The following CLCN6 variants were observed in gnomAD, a reference collection of about 807,000 sequenced individuals.
The protein encoded by CLCN6 is H(+)/Cl(-) exchange transporter 6.
A neutral mutation model predicts 109.8 loss-of-function variants in CLCN6; 70 were observed. The ratio of observed to expected loss-of-function variants is 0.64; its 90% CI spans 0.53 to 0.78. CLCN6 has a LOEUF of 0.78. CLCN6 is among the 30% of genes least tolerant of loss of function. The pLI is 0.00. For synonymous variants in CLCN6, 444 were observed against 447.8 expected (o/e 0.99, Z 0.11); for missense variants, 984 against 1,142.3 (o/e 0.86, Z 2.00).
At chr1:11,819,638 G>A (rs1644717248) in intron 5 of CLCN6, 84 bp downstream of exon 5, 1 of 1,212,450 alleles carries the variant, frequency 8.2e-7, no homozygotes, top group African/African-American at 1.5e-5. Flanking sequence ...CTAACAGTAA[G>A]CATAGTATTA....
At chr1:11,833,293 T>C (rs2100651592) in intron 13 of CLCN6, among the ~76,000 whole-genome samples, 1 of 152,230 alleles carries the variant, frequency 6.6e-6, no homozygotes, top group East Asian at 1.9e-4. Context: ...ATCATGAGTG[T>C]GGATGAACAA....
intron 2 of CLCN6, among the ~76,000 whole-genome samples, chr1:11,814,582 G>T (rs2100612437): frequency 6.6e-6 from 1 of 152,010 alleles, no homozygotes; most frequent in East Asian, 1.9e-4. Flanking sequence ...CAACTAAAAT[G>T]ATTTCCTTTG....
chr1:11,840,245 G>T lies in CLCN6; in HGVS notation c.*22G>T. 6.2e-7 allele frequency: 1 copy of T among 1,602,064 alleles called. No homozygotes were observed. Reference sequence around the variant, plus strand: ...CTGACAGCCCAGCCCACCCTCTCCTGGTGCTGCCTGGGGAGGCAAATCATG... The same window carrying T: ...CTGACAGCCCAGCCCACCCTCTCCTTGTGCTGCCTGGGGAGGCAAATCATG... On this transcript the variant is annotated 3_prime_UTR_variant, in exon 23 of 23. Coordinates refer to ENST00000346436, the MANE Select transcript of CLCN6 (RefSeq NM_001286.5).
chr1:11,824,248 CTGG>C (rs1231063065), intron 7 of CLCN6, among the ~76,000 whole-genome samples: 1 of 152,220 alleles, frequency 6.6e-6, no homozygotes, highest in Non-Finnish European at 1.5e-5. Context: ...CAGGAGGGAG[CTGG>C]TGGTCTGGGC....
chr1:11,839,593 G>A (rs1330548718), intron 22 of CLCN6, among the ~76,000 whole-genome samples: 1 of 152,184 alleles, frequency 6.6e-6, no homozygotes, highest in East Asian at 1.9e-4. Context: ...CACAACCCTG[G>A]CATGCATAGT....
At chr1:11,807,595 C>G (rs111776518) in intron 2 of CLCN6, among the ~76,000 whole-genome samples, 3,753 of 152,328 alleles carry the variant, frequency 0.025, 69 homozygotes, top group Non-Finnish European at 0.038. Context: ...TTTTCTTGCT[C>G]AAGCAGCTTC....
intron 2 of CLCN6, among the ~76,000 whole-genome samples, chr1:11,807,679 AAC>A (rs1644537193): frequency 6.6e-6 from 1 of 152,248 alleles, no homozygotes; most frequent in African/African-American, 2.4e-5. Flanking sequence ...TAGTAAAGCC[AAC>A]ACTGCTGGGG....
intron 2 of CLCN6, among the ~76,000 whole-genome samples, chr1:11,808,898 G>A (rs77292210): frequency 0.021 from 3,146 of 151,276 alleles, 60 homozygotes; most frequent in Non-Finnish European, 0.034. Flanking sequence ...CACTCTTAGT[G>A]CCCAGGTTGG....
chr1:11,820,610 C>T, intron 5 of CLCN6: 1 of 411,404 alleles, frequency 2.4e-6, no homozygotes, highest in Non-Finnish European at 4.6e-6. Context: ...ACTAAAAATA[C>T]AAAAAAATTA....
rs1261599962 is a variant in CLCN6 at position 11,840,032 on chromosome 1, C to A, written c.2530-111C>A. 4 of 872,142 alleles carry A rather than the reference C, an allele frequency of 4.6e-6. No individual in the cohort carries two copies. The African/African-American group carries it at 4.9e-5, about 11-fold the overall frequency. The allele number at this position is 872,142 out of a possible 1,614,324, so 54.0% of individuals were successfully genotyped here. On this transcript the variant is annotated intron_variant, in intron 22 of 22. Coordinates refer to ENST00000346436, the MANE Select transcript of CLCN6 (RefSeq NM_001286.5). ...CAATCAAGCTGTGTCTGGCTGTGCA[C>A]TATCCAGGCCTCCACATTCTGTGAC...
chr1:11,833,371 G>T, intron 13 of CLCN6, 144 bp from the exon 14 acceptor site: 1 of 674,646 alleles, frequency 1.5e-6, no homozygotes. Context: ...CCGTGTGGCT[G>T]CCGTTGGTAG....
rs759569800 is a variant in CLCN6 at position 11,834,533 on chromosome 1, A to G, written c.1736A>G (p.His579Arg). The change falls in exon 17 of 23, where the codon CAC (histidine) becomes CGC (arginine). Residue 579 changes from histidine to arginine, a missense_variant. By Grantham distance (29) the His-to-Arg change is conservative. Coordinates refer to ENST00000346436, the MANE Select transcript of CLCN6 (RefSeq NM_001286.5). The surrounding 1 kb of genome is among the most constrained non-coding windows in gnomAD (Gnocchi z 4.5). ...TTCAATAAGGGCATTTATGATATCC[A>G]CGTGGGCCTGCGAGGCGTGCCGCTT... is the stretch of plus-strand genomic sequence containing the variant. ...DFFNKGIYDI[H>R]VGLRGVPLLE... 8.1e-6 allele frequency: 13 copies of G among 1,613,988 alleles called. No homozygotes were observed. Among genetic ancestry groups the G allele is most frequent in the Non-Finnish European group, 1.1e-5 (13 of 1,180,012 alleles).
chr1:11,829,274 A>G lies in CLCN6; in HGVS notation c.1200A>G (p.Arg400=). ...FVASMVLGEC[R]QMSSSSQIGN... ...CCTCGATGGTGTTAGGAGAATGCCG[A>G]CAGATGTCCTCTTCGAGTCAAATCG... is the stretch of plus-strand genomic sequence containing the variant. Residue 400 remains arginine (R), a synonymous_variant, in exon 13 of 23, where the codon CGA becomes CGG. Transcript: ENST00000346436. The G allele has an allele frequency of 1.2e-6, 2 of 1,614,136 alleles. No individual in the cohort carries two copies. The highest frequency in any genetic ancestry group is 1.1e-5 in the South Asian group (1 of 91,078).
intron 22 of CLCN6, among the ~76,000 whole-genome samples, chr1:11,839,579 G>A (rs528704): frequency 0.19 from 28,943 of 152,080 alleles, 3,691 homozygotes; most frequent in African/African-American, 0.36. Context: ...TTTCTTCTAT[G>A]CGGCACAACC....
At chr1:11,839,106 A>G (rs903320229) in intron 22 of CLCN6, 2 of 587,884 alleles carry the variant, frequency 3.4e-6, no homozygotes, top group African/African-American at 3.7e-5. Context: ...TTCTTATTAC[A>G]CAAATATTTT....
At chr1:11,817,899 C>T (rs1417021662) in intron 4 of CLCN6, among the ~76,000 whole-genome samples, 1 of 151,756 alleles carries the variant, frequency 6.6e-6, no homozygotes, top group African/African-American at 2.4e-5. Flanking sequence ...ATTCAGAAGC[C>T]CTCTTCAGTG....
At position 11,828,472 on chromosome 1, in the gene CLCN6, T is replaced by TA. The variant is rs1446648587; in HGVS notation, c.975dup (p.Cys326MetfsTer46). 2.5e-6 allele frequency: 4 copies of TA among 1,614,166 alleles called. No individual in the cohort carries two copies. The highest frequency in any genetic ancestry group is 3.4e-6 in the Non-Finnish European group (4 of 1,180,034). On this transcript the variant is annotated frameshift_variant, in exon 12 of 23. Coordinates refer to ENST00000346436, the MANE Select transcript of CLCN6 (RefSeq NM_001286.5). LOFTEE classifies it high-confidence loss of function. The stretch of plus-strand genomic sequence containing the variant: ...CCTTCTCTCAGTGCTCTGACTCTGA[T>TA]AAAAAATGTCATCTCTGGACAGCTA...
At chr1:11,821,362 A>C (rs1644741132) in intron 5 of CLCN6, among the ~76,000 whole-genome samples, 1 of 152,226 alleles carries the variant, frequency 6.6e-6, no homozygotes, top group Non-Finnish European at 1.5e-5. Context: ...GTTCAAGACC[A>C]GCCTGGCCAA....
rs1242996199 is a variant in CLCN6 at position 11,834,145 on chromosome 1, T to A, written c.1527-91T>A. On this transcript the variant is annotated intron_variant, in intron 15 of 22. Transcript: ENST00000346436. The surrounding 1 kb of genome is among the most constrained non-coding windows in gnomAD (Gnocchi z 4.5). ...GTGTCTGTGCCCATGCATGCACATA[T>A]GTGCATAGGCACAAGAGTATGAGCT... 2 of 1,595,744 alleles carry A rather than the reference T, an allele frequency of 1.3e-6. No individual in the cohort carries two copies. The highest frequency in any genetic ancestry group is 4.5e-5 in the East Asian group (2 of 44,692).
Sources: allele counts gnomAD v4.1 joint callset (sites outside exome capture counted in the v4.1 genomes callset), GRCh38; gene constraint gnomAD v4.1.1; non-coding constraint Gnocchi (gnomAD v3.1); transcripts MANE v1.5; gene names NCBI Gene and HGNC (gene_info 2026-07-23, HGNC 2026-07-21).